The following RABGAP1L variants were observed in gnomAD, a reference collection of about 807,000 sequenced individuals.
RABGAP1L encodes the protein RAB GTPase activating protein 1 like.
In RABGAP1L, 63 loss-of-function variants were observed where a neutral mutation model predicts 137.7. That is an observed-to-expected ratio of 0.46 (90% CI 0.37 to 0.56). The LOEUF (loss-of-function observed/expected upper bound fraction) is 0.56. RABGAP1L is among the 20% of genes least tolerant of loss of function. RABGAP1L has a pLI of 0.00. For missense variants in RABGAP1L, 1,095 were observed against 1,244.0 expected, an observed-to-expected ratio of 0.88 and a Z score of 1.80; for synonymous variants, 431 against 433.7, an observed-to-expected ratio of 0.99 and a Z score of 0.08.
intron 13 of RABGAP1L, among the ~76,000 whole-genome samples, chr1:174,403,593 C>T (rs1218932617): frequency 6.6e-6 from 1 of 152,040 alleles, no homozygotes; most frequent in East Asian, 1.9e-4. Context: ...TGATTAGCTT[C>T]TGCTATCTTT....
chr1:174,553,948 C>A (rs1340814477), intron 13 of RABGAP1L, among the ~76,000 whole-genome samples: 1 of 152,114 alleles, frequency 6.6e-6, no homozygotes, highest in African/African-American at 2.4e-5. Context: ...TGAGATCATG[C>A]CACTTGCACT....
chr1:174,402,441 A>G (rs1648714226), intron 13 of RABGAP1L, among the ~76,000 whole-genome samples: 1 of 152,210 alleles, frequency 6.6e-6, no homozygotes, highest in Non-Finnish European at 1.5e-5. Context: ...AAACTATTCT[A>G]TCAGGAAACA....
intron 15 of RABGAP1L, among the ~76,000 whole-genome samples, chr1:174,691,604 A>G (rs1678881466): frequency 6.6e-6 from 1 of 152,184 alleles, no homozygotes; most frequent in African/African-American, 2.4e-5. Flanking sequence ...TCTTTTCCTT[A>G]ATGAAATAAC....
chr1:174,784,648 C>T (rs1456635733), intron 18 of RABGAP1L, among the ~76,000 whole-genome samples: 1 of 152,126 alleles, frequency 6.6e-6, no homozygotes, highest in East Asian at 1.9e-4. Context: ...AGGGGCATGT[C>T]AGGAATCGGA....
At chr1:174,182,237 A>G (rs73034914) in intron 1 of RABGAP1L, among the ~76,000 whole-genome samples, 2,203 of 150,010 alleles carry the variant, frequency 0.015, 60 homozygotes, top group African/African-American at 0.05. Context: ...AGATTCGGGG[A>G]AAAAAAAATG....
chr1:174,392,627 A>C (rs1208999172), intron 12 of RABGAP1L, among the ~76,000 whole-genome samples: 1 of 152,170 alleles, frequency 6.6e-6, no homozygotes, highest in Non-Finnish European at 1.5e-5. Context: ...TCAGTTGTGG[A>C]AGTTTTAGTT....
At chr1:174,939,243 G>A (rs929409033) in intron 19 of RABGAP1L, among the ~76,000 whole-genome samples, 2 of 152,050 alleles carry the variant, frequency 1.3e-5, no homozygotes, top group Non-Finnish European at 2.9e-5. Context: ...TCTCATGTTT[G>A]TTCTATCCAA....
At chr1:174,577,149 TA>T (rs1668426541) in intron 13 of RABGAP1L, among the ~76,000 whole-genome samples, 1 of 150,570 alleles carries the variant, frequency 6.6e-6, no homozygotes, top group South Asian at 2.1e-4. Flanking sequence ...AGCTCCATGA[TA>T]GCACCATTAC....
chr1:174,739,903 T>C (rs1051981348), intron 17 of RABGAP1L, among the ~76,000 whole-genome samples: 3 of 152,252 alleles, frequency 2.0e-5, no homozygotes, highest in East Asian at 1.9e-4. Flanking sequence ...CTACGCAATA[T>C]ACTACTGTGA....
intron 18 of RABGAP1L, among the ~76,000 whole-genome samples, chr1:174,767,090 C>G (rs1375595607): frequency 6.6e-6 from 1 of 152,206 alleles, no homozygotes; most frequent in African/African-American, 2.4e-5. Context: ...TTTCACCTTT[C>G]TGGACCAAAC....
intron 12 of RABGAP1L, among the ~76,000 whole-genome samples, chr1:174,371,645 A>C (rs1467380404): frequency 1.3e-5 from 2 of 152,144 alleles, no homozygotes; most frequent in Non-Finnish European, 2.9e-5. Context: ...TTAAAATGGT[A>C]ATTATGACTA....
At chr1:174,505,637 A>G (rs539156988) in intron 13 of RABGAP1L, among the ~76,000 whole-genome samples, 2 of 152,302 alleles carry the variant, frequency 1.3e-5, no homozygotes, top group South Asian at 4.1e-4. Context: ...CTGTTAGCAA[A>G]AAGACAAAAG....
intron 20 of RABGAP1L, among the ~76,000 whole-genome samples, chr1:174,966,079 C>T (rs932086333): frequency 6.6e-6 from 1 of 152,202 alleles, no homozygotes; most frequent in Non-Finnish European, 1.5e-5. Flanking sequence ...TTTCTAAATA[C>T]TTGAACAAAG....
intron 13 of RABGAP1L, among the ~76,000 whole-genome samples, chr1:174,518,610 A>G (rs1663078232): frequency 6.6e-6 from 1 of 152,156 alleles, no homozygotes; most frequent in African/African-American, 2.4e-5. Context: ...CTTGGGTGTT[A>G]AATATACATT....
chr1:174,773,724 C>A (rs1017102717), intron 18 of RABGAP1L, among the ~76,000 whole-genome samples: 1 of 152,198 alleles, frequency 6.6e-6, no homozygotes, highest in Non-Finnish European at 1.5e-5. Flanking sequence ...ATTCTCTGCT[C>A]TTGACTGGCT....
chr1:174,433,247 G>A (rs1290538251), intron 13 of RABGAP1L, among the ~76,000 whole-genome samples: 1 of 152,134 alleles, frequency 6.6e-6, no homozygotes, highest in African/African-American at 2.4e-5. Flanking sequence ...CTAAGTCATA[G>A]TATCTCCTTG....
intron 13 of RABGAP1L, among the ~76,000 whole-genome samples, chr1:174,554,042 T>G (rs1264546827): frequency 6.6e-6 from 1 of 152,138 alleles, no homozygotes; most frequent in Non-Finnish European, 1.5e-5. Context: ...ATATTCCTCC[T>G]CTTCAAGATT....
intron 19 of RABGAP1L, among the ~76,000 whole-genome samples, chr1:174,894,904 T>C (rs1242133366): frequency 6.6e-6 from 1 of 152,006 alleles, no homozygotes; most frequent in African/African-American, 2.4e-5. Context: ...TTACAGGTGC[T>C]CACCACCATG....
chr1:174,896,052 C>A (rs781329446), intron 19 of RABGAP1L, among the ~76,000 whole-genome samples: 3 of 152,214 alleles, frequency 2.0e-5, no homozygotes, highest in African/African-American at 7.2e-5. Flanking sequence ...AGTTTCCAGT[C>A]CCACCAACAA....
Sources: gnomAD v4.1 joint callset for allele counts (sites outside exome capture counted in the v4.1 genomes callset) on GRCh38, gnomAD v4.1.1 for gene constraint, MANE v1.5 for transcripts, NCBI Gene and HGNC (gene_info 2026-07-23, HGNC 2026-07-21) for gene names.